Variants in CELSR1 observed in about 807,000 individuals in gnomAD.
CELSR1 encodes the protein cadherin EGF LAG seven-pass G-type receptor 1, also known as adhesion G protein-coupled receptor C1.
In CELSR1, 110 loss-of-function variants were observed where a neutral mutation model predicts 249.1. That is an observed-to-expected ratio of 0.44 (90% CI 0.38 to 0.52). The LOEUF is 0.52. CELSR1 is among the 20% of genes least tolerant of loss of function. The pLI is 0.00. For synonymous variants in CELSR1, 2,113 were observed against 1,900.0 expected (o/e 1.11, Z -2.92); for missense variants, 4,109 against 4,296.4 (o/e 0.96, Z 1.22).
At chr22:46,460,205 A>ACC (rs146876401) in intron 2 of CELSR1, among the ~76,000 whole-genome samples, 2,901 of 134,548 alleles carry the variant, frequency 0.022, 63 homozygotes, top group African/African-American at 0.065. Flanking sequence ...ACACACACAC[A>ACC]CACACACACA....
At position 46,396,561 on chromosome 22, in the gene CELSR1, C is replaced by T; in HGVS notation, c.5843+44G>A. 3.3e-6 allele frequency: 5 copies of T among 1,493,248 alleles called. No homozygotes were observed. Among genetic ancestry groups the T allele is most frequent in the Non-Finnish European group, 4.5e-6 (5 of 1,123,346 alleles). 92.5% of individuals were successfully genotyped at this position (1,493,248 alleles called of 1,614,324 possible). A position where few individuals can be genotyped will look rare whatever the true frequency, so the allele number is the denominator to read the frequency against. ...ACACTGAGTCGAGGGAACACAGCCA[C>T]ATGGACTCTGAAGGTGCAGGGAGGC... On this transcript the variant is annotated intron_variant, in intron 13 of 34. Transcript: ENST00000674500. This position sits in a 1 kb window ranked among gnomAD's most constrained non-coding sequence, Gnocchi z 6.4.
intron 1 of CELSR1, among the ~76,000 whole-genome samples, chr22:46,483,376 T>C (rs1356396799): frequency 1.3e-5 from 2 of 149,240 alleles, no homozygotes; most frequent in Non-Finnish European, 1.5e-5. Context: ...GGAAACATGC[T>C]ATTCCTGACT....
Position 46,398,117 on chromosome 22 carries a change from G to GGGGGCTGAGAGCTGAACGACTC in CELSR1, c.5527-291_5527-270dup, listed in dbSNP as rs2079171091. Reference sequence around the variant, plus strand: ...CGTGAGGAGTGGATGTCCCTGCCGAGGGGGCTGAGAGCTGAACGACTCAGA... The same window carrying GGGGGCTGAGAGCTGAACGACTC: ...CGTGAGGAGTGGATGTCCCTGCCGAGGGGGCTGAGAGCTGAACGACTCGGGGCTGAGAGCTGAACGACTCAGA... On this transcript the variant is annotated intron_variant, in intron 11 of 34. Coordinates refer to ENST00000674500, the MANE Select transcript of CELSR1 (RefSeq NM_001378328.1). This position sits in a 1 kb window ranked among gnomAD's most constrained non-coding sequence, Gnocchi z 7.2. Among the ~76,000 whole-genome samples, 1 of 152,110 alleles carries GGGGGCTGAGAGCTGAACGACTC rather than the reference G, an allele frequency of 6.6e-6. No individual in the cohort carries two copies. Among genetic ancestry groups the GGGGGCTGAGAGCTGAACGACTC allele is most frequent in the Non-Finnish European group, 1.5e-5 (1 of 68,006 alleles).
In CELSR1 at chr22:46,534,776, T is replaced by G; in HGVS notation, c.2395A>C (p.Ser799Arg). Residue 799 changes from serine to arginine, a missense_variant, in exon 1 of 35, where the codon AGT becomes CGT. Coordinates refer to ENST00000674500, the MANE Select transcript of CELSR1 (RefSeq NM_001378328.1). The surrounding 1 kb of genome is among the most constrained non-coding windows in gnomAD (Gnocchi z 9.7). ...GAGGTGCCCACAGGCCTGTCCTCAC[T>G]GACACTCACTGTGTAATGGGAGCTC... is the stretch of plus-strand genomic sequence containing the variant. ...FQSSHYTVSV[S>R]EDRPVGTSIA... The G allele has an allele frequency of 6.2e-7, 1 of 1,613,160 alleles. No individual in the cohort carries two copies.
intron 20 of CELSR1, among the ~76,000 whole-genome samples, chr22:46,382,347 G>A (rs2078987672): frequency 6.6e-6 from 1 of 152,028 alleles, no homozygotes; most frequent in Admixed American, 6.6e-5. Context: ...GCGCCATCTC[G>A]GCTCACTGCA....
rs2079263582 is a variant in CELSR1 at position 46,406,123 on chromosome 22, TAC to T, written c.5226+2871_5226+2872del. Reference sequence around the variant, plus strand: ...TCCTACTGAAAGCGCACTTTTTTCCTACAGAGACCCCACTGCCAAATGACAAC... The same window carrying T: ...TCCTACTGAAAGCGCACTTTTTTCCTAGAGACCCCACTGCCAAATGACAAC... On this transcript the variant is annotated intron_variant, in intron 9 of 34. Transcript: ENST00000674500. The surrounding 1 kb of genome is among the most constrained non-coding windows in gnomAD (Gnocchi z 5.4). 6.6e-6 allele frequency among the ~76,000 whole-genome samples: 1 copy of T among 152,234 alleles called. No homozygotes were observed. The highest frequency in any genetic ancestry group is 1.5e-5 in the Non-Finnish European group (1 of 68,046).
chr22:46,489,820 G>A (rs1276770655), intron 1 of CELSR1, among the ~76,000 whole-genome samples: 4 of 151,782 alleles, frequency 2.6e-5, no homozygotes, highest in Non-Finnish European at 4.4e-5. Flanking sequence ...GCTTGAACCC[G>A]GGAGACAGAG....
At chr22:46,528,327 G>A (rs903063990) in intron 1 of CELSR1, among the ~76,000 whole-genome samples, 1 of 152,152 alleles carries the variant, frequency 6.6e-6, no homozygotes, top group South Asian at 2.1e-4. Flanking sequence ...CAAAGTCAAC[G>A]GCGAGAAGGT....
At chr22:46,479,080 G>A (rs77827652) in intron 1 of CELSR1, among the ~76,000 whole-genome samples, 3,406 of 151,686 alleles carry the variant, frequency 0.022, 112 homozygotes, top group African/African-American at 0.077. Context: ...GGTGACCCTC[G>A]GCCTCCCTCT....
At chr22:46,458,214 A>G (rs2079979669) in intron 2 of CELSR1, among the ~76,000 whole-genome samples, 1 of 152,184 alleles carries the variant, frequency 6.6e-6, no homozygotes, top group African/African-American at 2.4e-5. Flanking sequence ...CCCGAAGGCC[A>G]GAGTGACCTC....
chr22:46,392,914 T>G (rs1455675019), intron 14 of CELSR1, among the ~76,000 whole-genome samples: 1 of 152,160 alleles, frequency 6.6e-6, no homozygotes, highest in Non-Finnish European at 1.5e-5. Context: ...GCACTCCCCA[T>G]GTTCTCTCTG....
At chr22:46,386,204 A>G (rs1602058134) in intron 19 of CELSR1, among the ~76,000 whole-genome samples, 198 bp downstream of exon 19, 1 of 151,878 alleles carries the variant, frequency 6.6e-6, no homozygotes, top group East Asian at 1.9e-4. Flanking sequence ...TCCTGACCTC[A>G]TGTGGTCTGC....
Position 46,451,213 on chromosome 22 carries a change from T to C in CELSR1, c.4184-11802A>G, listed in dbSNP as rs867392684. Among the ~76,000 whole-genome samples the C allele has an allele frequency of 2.2e-3, 339 of 152,168 alleles. 3 individuals are homozygous for C. The highest frequency in any genetic ancestry group is 7.9e-3 in the African/African-American group (329 of 41,526). On this transcript the variant is annotated intron_variant, in intron 2 of 34. Transcript: ENST00000674500. ...ACAGGCGGCCCAGCCCTGCCCCACC[T>C]GGCAAGGTAGCCAGGAAAGCCCTCA...
chr22:46,387,013 C>G (rs888091895), intron 18 of CELSR1, among the ~76,000 whole-genome samples: 7 of 152,282 alleles, frequency 4.6e-5, no homozygotes, highest in African/African-American at 1.7e-4. Context: ...CTGCCTCGGC[C>G]TCCCAAAGTG....
intron 1 of CELSR1, among the ~76,000 whole-genome samples, chr22:46,493,513 T>C (rs1602209107): frequency 6.9e-6 from 1 of 145,918 alleles, no homozygotes; most frequent in Non-Finnish European, 1.5e-5. Context: ...GCCATTGCAC[T>C]CCAGCCTGGG....
chr22:46,366,275 TG>T (rs1337769370), intron 30 of CELSR1, 110 bp downstream of exon 30: 4 of 359,330 alleles, frequency 1.1e-5, no homozygotes, highest in Non-Finnish European at 1.6e-5. Context: ...GGTGGAAAGT[TG>T]GGGGTGGAAG....
rs1427774530 is a variant in CELSR1, at chr22:46,537,342, G to A, written c.-172C>T. 6.7e-6 allele frequency among the ~76,000 whole-genome samples: 1 copy of A among 148,888 alleles called. No homozygotes were observed. The highest frequency in any genetic ancestry group is 2.4e-5 in the African/African-American group (1 of 41,144). Reference sequence around the variant, plus strand: ...GGGGACTGTGGGGACCACGCGCCCGGCCTCCCCCGCAGCTTCCACTTCGAG... The same window carrying A: ...GGGGACTGTGGGGACCACGCGCCCGACCTCCCCCGCAGCTTCCACTTCGAG... On this transcript the variant is annotated 5_prime_UTR_variant, in exon 1 of 35. Coordinates refer to ENST00000674500, the MANE Select transcript of CELSR1 (RefSeq NM_001378328.1). The surrounding 1 kb of genome is among the most constrained non-coding windows in gnomAD (Gnocchi z 5.8).
At position 46,366,268 on chromosome 22, in the gene CELSR1, G is replaced by A. The variant is rs1445774985; in HGVS notation, c.8300+118C>T. On this transcript the variant is annotated intron_variant, in intron 30 of 34. Transcript: ENST00000674500. ...TTGCGGGTGGGAAGAAGGTGCGGGT[G>A]GAAAGTTGGGGGTGGAAGGTGATGT... 6.2e-5 allele frequency: 42 copies of A among 677,480 alleles called. No individual in the cohort carries two copies. The Admixed American group carries it at 9.4e-4, about 15-fold the overall frequency. The allele number at this position is 677,480 out of a possible 1,614,324, so 42.0% of individuals were successfully genotyped here.
At position 46,380,039 on chromosome 22, in the gene CELSR1, G is replaced by T. The variant is rs527580599; in HGVS notation, c.7256+749C>A. On this transcript the variant is annotated intron_variant, in intron 22 of 34. Transcript: ENST00000674500. The surrounding 1 kb of genome is among the most constrained non-coding windows in gnomAD (Gnocchi z 5.1). ...AGCAACTCAAATGTCCACACCTCAC[G>T]TGAACTCTGCAGCTAAAAAGCAAAA... Among the ~76,000 whole-genome samples the T allele has an allele frequency of 6.6e-6, 1 of 152,198 alleles. No homozygotes were observed. Among genetic ancestry groups the T allele is most frequent in the Non-Finnish European group, 1.5e-5 (1 of 68,036 alleles).
Sources: gnomAD v4.1 joint callset for allele counts (sites outside exome capture counted in the v4.1 genomes callset) on GRCh38, gnomAD v4.1.1 for gene constraint, Gnocchi (gnomAD v3.1) non-coding constraint, MANE v1.5 for transcripts, NCBI Gene and HGNC (gene_info 2026-07-23, HGNC 2026-07-21) for gene names.